SDK2: variants seen among roughly 807,000 people sequenced by gnomAD.
The protein encoded by SDK2 is protein sidekick-2.
Under a neutral mutation model 253.9 loss-of-function variants are expected in SDK2, and 105 were observed. The ratio of observed to expected loss-of-function variants is 0.41; its 90% CI spans 0.35 to 0.49. The LOEUF is 0.49. SDK2 is among the 20% of genes least tolerant of loss of function. The pLI is 0.06. For synonymous variants in SDK2, 1,249 were observed against 1,234.9 expected, an observed-to-expected ratio of 1.01 and a Z score of -0.24; for missense variants, 2,608 against 3,003.0, an observed-to-expected ratio of 0.87 and a Z score of 3.07.
At chr17:73,512,800 C>T (rs1459666034) in intron 1 of SDK2, among the ~76,000 whole-genome samples, 1 of 152,128 alleles carries the variant, frequency 6.6e-6, no homozygotes, top group African/African-American at 2.4e-5. Context: ...GACCCAAATA[C>T]ATACGAGGAA....
chr17:73,531,095 G>A (rs187624301), intron 1 of SDK2, among the ~76,000 whole-genome samples: 3 of 152,114 alleles, frequency 2.0e-5, no homozygotes, highest in East Asian at 1.9e-4. Flanking sequence ...TTTCTGCTCC[G>A]ATCTTCCTTG....
chr17:73,454,530 C>T (rs2063509381), intron 4 of SDK2, among the ~76,000 whole-genome samples: 1 of 152,176 alleles, frequency 6.6e-6, no homozygotes, highest in Non-Finnish European at 1.5e-5. Context: ...TCAACAACGC[C>T]TCCTTTCTGC....
intron 1 of SDK2, among the ~76,000 whole-genome samples, chr17:73,552,023 A>C (rs2045067251): frequency 6.6e-6 from 1 of 152,148 alleles, no homozygotes; most frequent in African/African-American, 2.4e-5. Flanking sequence ...CCAGGGTGGC[A>C]AGGCAACCTA....
At chr17:73,433,880 C>T (rs2063347383) in intron 9 of SDK2, 32 bp from the exon 10 acceptor site, 2 of 1,432,758 alleles carry the variant, frequency 1.4e-6, no homozygotes, top group Non-Finnish European at 9.3e-7. Flanking sequence ...CTTTTAGCCA[C>T]ACCCTGGGAG....
intron 24 of SDK2, among the ~76,000 whole-genome samples, chr17:73,397,651 A>C (rs757750400): frequency 6.6e-6 from 1 of 152,192 alleles, no homozygotes; most frequent in Non-Finnish European, 1.5e-5. Flanking sequence ...TGAATGCCAC[A>C]GTGGCACTTG....
intron 17 of SDK2, 44 bp downstream of exon 17, chr17:73,415,767 G>A (rs1312781690): frequency 1.0e-5 from 15 of 1,507,410 alleles, no homozygotes; most frequent in East Asian, 2.5e-5. Context: ...AGGATTACAC[G>A]CATGAGCCAC....
rs751198523 is a variant in SDK2 at position 73,380,893 on chromosome 17, C to T, written c.4762+1G>A. 6.0e-6 allele frequency: 9 copies of T among 1,499,006 alleles called. No homozygotes were observed. The East Asian group carries it at 2.5e-4, about 41-fold the overall frequency. 92.9% of individuals were successfully genotyped at this position (1,499,006 alleles called of 1,614,324 possible). On this transcript the variant is annotated splice_donor_variant, in intron 34 of 44. Coordinates refer to ENST00000392650, the MANE Select transcript of SDK2 (RefSeq NM_001144952.2). LOFTEE classifies it high-confidence loss of function. ...TGAAGCCACCATGCAAGGAGACTTACTGTCCAGCTCGTACTGCGTGAGGCT... is the reference window on the plus strand; with the variant it reads ...TGAAGCCACCATGCAAGGAGACTTATTGTCCAGCTCGTACTGCGTGAGGCT...
At chr17:73,370,955 T>C (rs1599493459) in intron 36 of SDK2, among the ~76,000 whole-genome samples, 1 of 151,780 alleles carries the variant, frequency 6.6e-6, no homozygotes, top group African/African-American at 2.4e-5. Context: ...TTCCAGCTAC[T>C]TGGGAGGCTG....
At chr17:73,437,050 T>C (rs1189904222) in intron 8 of SDK2, among the ~76,000 whole-genome samples, 1 of 152,180 alleles carries the variant, frequency 6.6e-6, no homozygotes, top group Non-Finnish European at 1.5e-5. Context: ...ATTTGCTGCC[T>C]GAATGGATGG....
chr17:73,407,562 A>T (rs879527143), intron 18 of SDK2, among the ~76,000 whole-genome samples: 1 of 152,174 alleles, frequency 6.6e-6, no homozygotes, highest in Non-Finnish European at 1.5e-5. Flanking sequence ...ACCTGATAAG[A>T]CAATAAGGAA....
At chr17:73,427,662 A>AAAAAAAC (rs2063294090) in intron 12 of SDK2, among the ~76,000 whole-genome samples, 2 of 146,978 alleles carry the variant, frequency 1.4e-5, no homozygotes, top group Non-Finnish European at 3.0e-5. Flanking sequence ...AAAAAAAAAA[A>AAAAAAAC]TCTAGACACA....
rs921652052 is a variant in SDK2, at chr17:73,395,655, G to T, written c.3355-263C>A. On this transcript the variant is annotated intron_variant, in intron 24 of 44. Transcript: ENST00000392650. This position sits in a 1 kb window ranked among gnomAD's most constrained non-coding sequence, Gnocchi z 4.3. ...GTGTATGTGACAAATCTATTACCCT[G>T]CCAAGGGAGTCAGGAGCCACAAAGG... Among the ~76,000 whole-genome samples, 4 of 152,196 alleles carry T rather than the reference G, an allele frequency of 2.6e-5. No homozygotes were observed. Among genetic ancestry groups the T allele is most frequent in the African/African-American group, 9.7e-5 (4 of 41,444 alleles).
intron 33 of SDK2, among the ~76,000 whole-genome samples, chr17:73,382,023 T>C (rs1311686613): frequency 6.6e-6 from 1 of 152,200 alleles, no homozygotes; most frequent in Non-Finnish European, 1.5e-5. Flanking sequence ...GAGACCAGCC[T>C]GGCTAACATG....
At chr17:73,392,823 T>G (rs902778302) in intron 27 of SDK2, among the ~76,000 whole-genome samples, 1 of 152,130 alleles carries the variant, frequency 6.6e-6, no homozygotes, top group Non-Finnish European at 1.5e-5. Flanking sequence ...TGGGGAGTTT[T>G]GCTACAGGGA....
chr17:73,514,408 C>T (rs942943135), intron 1 of SDK2, among the ~76,000 whole-genome samples: 5 of 152,234 alleles, frequency 3.3e-5, no homozygotes, highest in Admixed American at 1.3e-4. Flanking sequence ...CCAATCTCAA[C>T]TTCAACTTTT....
chr17:73,338,663 C>G lies in SDK2; in HGVS notation c.6443G>C (p.Ser2148Thr), dbSNP rs768688289. 1.3e-6 allele frequency: 2 copies of G among 1,571,966 alleles called. No homozygotes were observed. The highest frequency in any genetic ancestry group is 3.8e-5 in the Admixed American group (2 of 52,542). Reference protein sequence around the residue: ...QNPPNPPSQQSTLYRPPSSLA... With the variant: ...QNPPNPPSQQTTLYRPPSSLA... ...GCTGCTGGGGGGACGGTAGAGGGTG[C>G]TCTGCTGACTTGGGGGGTTAGGGGG... is the stretch of plus-strand genomic sequence containing the variant. The change falls in exon 45 of 45, where the codon AGC (serine) becomes ACC (threonine). Residue 2148 changes from serine to threonine, a missense_variant. Coordinates refer to ENST00000392650, the MANE Select transcript of SDK2 (RefSeq NM_001144952.2). This position sits in a 1 kb window ranked among gnomAD's most constrained non-coding sequence, Gnocchi z 5.0.
chr17:73,420,504 T>C (rs1233518105), intron 15 of SDK2, among the ~76,000 whole-genome samples: 4 of 151,666 alleles, frequency 2.6e-5, no homozygotes, highest in African/African-American at 7.3e-5. Context: ...CTAATTTTTA[T>C]ATTTTTAGTA....
In SDK2 at chr17:73,483,687, A is replaced by G. The variant is rs1252433355; in HGVS notation, c.225-11469T>C. ...TATATATATATATATATATATTTAT[A>G]TATATATATATATATATATATTTTT... On this transcript the variant is annotated intron_variant, in intron 2 of 44. Coordinates refer to ENST00000392650, the MANE Select transcript of SDK2 (RefSeq NM_001144952.2). 9.1e-3 allele frequency among the ~76,000 whole-genome samples: 625 copies of G among 68,812 alleles called. 43 individuals carry two copies. Among genetic ancestry groups the G allele is most frequent in the African/African-American group, 0.027 (483 of 17,842 alleles). The allele number at this position is 68,812 out of a possible 152,430, so 45.1% of individuals were successfully genotyped here.
chr17:73,540,471 G>A (rs1403088446), intron 1 of SDK2, among the ~76,000 whole-genome samples: 1 of 152,078 alleles, frequency 6.6e-6, no homozygotes, highest in Non-Finnish European at 1.5e-5. Context: ...GCTTCAGCAG[G>A]GTCTCTCATC....
Sources: gnomAD v4.1 joint callset for allele counts (sites outside exome capture counted in the v4.1 genomes callset) on GRCh38, gnomAD v4.1.1 for gene constraint, Gnocchi (gnomAD v3.1) non-coding constraint, MANE v1.5 for transcripts, NCBI Gene and HGNC (gene_info 2026-07-23, HGNC 2026-07-21) for gene names.